The following FAT1 variants were observed in gnomAD, a reference collection of about 807,000 sequenced individuals.
FAT1 encodes the protein FAT atypical cadherin 1.
FAT1 carries 171 observed loss-of-function variants against 329.8 expected under a neutral mutation model. The ratio of observed to expected loss-of-function variants is 0.52; its 90% confidence interval spans 0.46 to 0.59. The LOEUF is 0.59. FAT1 is among the 20% of genes least tolerant of loss of function. The probability of loss-of-function intolerance (pLI) is 0.00; values close to 1 mark genes in which losing one functional copy is unlikely to be tolerated. For missense variants in FAT1, 5,672 were observed against 5,774.4 expected (o/e 0.98, Z 0.57); for synonymous variants, 2,233 against 2,228.6 (o/e 1.00, Z -0.06).
At chr4:186,695,476 G>A (rs1044266086) in intron 2 of FAT1, among the ~76,000 whole-genome samples, 1 of 152,212 alleles carries the variant, frequency 6.6e-6, no homozygotes, top group Non-Finnish European at 1.5e-5. Flanking sequence ...TCAAGTGGAA[G>A]AGCAGCCTTA....
In FAT1 at chr4:186,603,819, G is replaced by A. The variant is rs764669200; in HGVS notation, c.10707C>T (p.Ala3569=). The change falls in exon 19 of 27, where the codon GCC becomes GCT. Residue 3569 remains alanine, a synonymous_variant. Transcript: ENST00000441802. ...GAGTATCATACACGTCCTGGTCTGT[G>A]GCATGGATCTTCCCAATGACGCCAC... ...YSGGVIGKIH[A]TDQDVYDTLT... 6.2e-7 allele frequency: 1 copy of A among 1,613,892 alleles called. No individual in the cohort carries two copies.
intron 11 of FAT1, among the ~76,000 whole-genome samples, chr4:186,614,937 C>T (rs962593207): frequency 2.6e-5 from 4 of 152,150 alleles, no homozygotes; most frequent in East Asian, 1.9e-4. Context: ...TGCTCAAACA[C>T]GGTGAACACT....
chr4:186,601,096 A>G (rs565588032), intron 21 of FAT1, among the ~76,000 whole-genome samples, 173 bp downstream of exon 21: 1 of 152,368 alleles, frequency 6.6e-6, no homozygotes, highest in South Asian at 2.1e-4. Context: ...GGGCAAAAAG[A>G]GCTCTTCATC....
chr4:186,656,530 G>A (rs1012308493), intron 3 of FAT1, among the ~76,000 whole-genome samples: 5 of 152,148 alleles, frequency 3.3e-5, no homozygotes, highest in East Asian at 1.9e-4. Context: ...GAATTTATGA[G>A]GTGTGCTACC....
chr4:186,596,457 A>G lies in FAT1; in HGVS notation c.13000+83T>C. 1 of 1,436,958 alleles carries G rather than the reference A, an allele frequency of 7.0e-7. No homozygotes were observed. The highest frequency in any genetic ancestry group is 9.5e-7 in the Non-Finnish European group (1 of 1,055,228). The allele number at this position is 1,436,958 out of a possible 1,614,324, so 89.0% of individuals were successfully genotyped here. ...AGCATACTTGTCTCTAATGAAGAGT[A>G]CACACATTTTGACTGGACAGAATTT... On this transcript the variant is annotated intron_variant, in intron 25 of 26. Transcript: ENST00000441802. This position sits in a 1 kb window ranked among gnomAD's most constrained non-coding sequence, Gnocchi z 4.7.
chr4:186,668,651 G>T (rs1056485138), intron 2 of FAT1, among the ~76,000 whole-genome samples: 3 of 152,194 alleles, frequency 2.0e-5, no homozygotes, highest in African/African-American at 7.2e-5. Context: ...GTCATTAGCA[G>T]TTCTTGTTCC....
At chr4:186,719,173 T>C (rs1745349712) in intron 1 of FAT1, among the ~76,000 whole-genome samples, 1 of 152,186 alleles carries the variant, frequency 6.6e-6, no homozygotes, top group Non-Finnish European at 1.5e-5. Context: ...AAAGATCTCA[T>C]CTACTCTGCC....
intron 6 of FAT1, among the ~76,000 whole-genome samples, 173 bp downstream of exon 6, chr4:186,635,852 T>A (rs1397583272): frequency 2.0e-5 from 3 of 152,206 alleles, no homozygotes; most frequent in African/African-American, 4.8e-5. Context: ...TAACATATGC[T>A]ATATATTGTG....
intron 22 of FAT1, among the ~76,000 whole-genome samples, chr4:186,599,240 C>T (rs529199545): frequency 1.3e-5 from 2 of 152,308 alleles, no homozygotes; most frequent in East Asian, 3.9e-4. Flanking sequence ...GAGAGAACAG[C>T]AGAAAACCAA....
At position 186,619,644 on chromosome 4, in the gene FAT1, T is replaced by C. The variant is rs1242276725; in HGVS notation, c.6942A>G (p.Pro2314=). ...QVRATDSDSE[P]NRGISYQMFG... is the part of the protein sequence containing the mutation. ...ACATCTGGTATGAGATTCCTCTATT[T>C]GGTTCTGAATCAGAATCGGTGGCTC... The change falls in exon 10 of 27, where the codon CCA becomes CCG. Residue 2314 remains proline, a synonymous_variant. Transcript: ENST00000441802. The C allele has an allele frequency of 6.2e-7, 1 of 1,614,018 alleles. No individual in the cohort carries two copies. The highest frequency in any genetic ancestry group is 1.3e-5 in the African/African-American group (1 of 75,054).
rs746027466 is a variant in FAT1 at position 186,618,139 on chromosome 4, G to C, written c.8447C>G (p.Ala2816Gly). 6.2e-7 allele frequency: 1 copy of C among 1,614,002 alleles called. No individual in the cohort carries two copies. The highest frequency in any genetic ancestry group is 1.1e-5 in the South Asian group (1 of 91,074). Residue 2816 changes from alanine (A) to glycine (G), a missense_variant, in exon 10 of 27, where the codon GCA becomes GGA. By Grantham distance (60) the Ala-to-Gly change is moderately conservative. This residue lies in a region of FAT1 where 3,966 missense variants were observed against 3,915.2 expected (regional missense o/e 1.01). Transcript: ENST00000441802. ...SPVFESSPYE[A>G]FIVENLPGGS... is the part of the protein sequence containing the mutation. Reference sequence around the variant, plus strand: ...CCCTGGCAGGTTTTCAACAATGAATGCCTCATATGGACTAGATTCAAAGAC... The same window carrying C: ...CCCTGGCAGGTTTTCAACAATGAATCCCTCATATGGACTAGATTCAAAGAC...
In FAT1 at chr4:186,621,202, C is replaced by T. The variant is rs56790426; in HGVS notation, c.5384G>A (p.Arg1795Gln). The change falls in exon 10 of 27, where the codon CGA (arginine) becomes CAA (glutamine). Residue 1795 changes from arginine to glutamine, a missense_variant. Physicochemically the swap from Arg to Gln is conservative, Grantham distance 43. This residue lies in a region of FAT1 where 3,966 missense variants were observed against 3,915.2 expected (regional missense o/e 1.01). Transcript: ENST00000441802. ...TGAGTCTTTATCAGCATCAGCTGCT[C>T]GAATCACCAGTGGGACATTCCTGTC... Reference protein sequence around the residue: ...LTDRNVPLVIRAADADKDSNA... With the variant: ...LTDRNVPLVIQAADADKDSNA... The T allele has an allele frequency of 1.1e-3, 1,854 of 1,613,950 alleles. 21 individuals carry two copies. In the African/African-American group the frequency reaches 0.021, roughly 18 times the overall value.
At chr4:186,607,743 GTGGATGGATAAC>G (rs986766272) in intron 16 of FAT1, among the ~76,000 whole-genome samples, 8 of 151,722 alleles carry the variant, frequency 5.3e-5, no homozygotes, top group Non-Finnish European at 1.0e-4. Context: ...AGATGCATGG[GTGGATGGATAAC>G]TGGATGGATG....
At chr4:186,700,170 T>G (rs1032880732) in intron 2 of FAT1, among the ~76,000 whole-genome samples, 2 of 152,148 alleles carry the variant, frequency 1.3e-5, no homozygotes, top group Non-Finnish European at 2.9e-5. Context: ...GAGGTACAAA[T>G]CACGTTAGCT....
intron 2 of FAT1, among the ~76,000 whole-genome samples, chr4:186,671,463 C>G (rs981509055): frequency 3.9e-5 from 6 of 151,902 alleles, no homozygotes; most frequent in African/African-American, 1.5e-4. Context: ...TTTGGGAGGC[C>G]GAGGCTGGCA....
In FAT1 at chr4:186,603,330, A is replaced by G. The variant is rs370248212; in HGVS notation, c.11196T>C (p.Asn3732=). The change falls in exon 19 of 27, where the codon AAT becomes AAC. Residue 3732 remains asparagine (N), a synonymous_variant. Coordinates refer to ENST00000441802, the MANE Select transcript of FAT1 (RefSeq NM_005245.4). ...IEEIIGVRIL[N]VFQKLCAGLD... is the part of the protein sequence containing the mutation. ...GTCCCGCGCAGAGTTTCTGGAATACATTCAGTATCCTAACTCCAATGATTT... is the reference window on the plus strand; with the variant it reads ...GTCCCGCGCAGAGTTTCTGGAATACGTTCAGTATCCTAACTCCAATGATTT... The G allele has an allele frequency of 5.6e-6, 9 of 1,613,968 alleles. No individual in the cohort carries two copies. The highest frequency in any genetic ancestry group is 4.5e-5 in the East Asian group (2 of 44,858).
At position 186,708,858 on chromosome 4, in the gene FAT1, C is replaced by G. The variant is rs767067542; in HGVS notation, c.970G>C (p.Asp324His). 1 of 1,613,978 alleles carries G rather than the reference C, an allele frequency of 6.2e-7. No homozygotes were observed. Among genetic ancestry groups the G allele is most frequent in the Non-Finnish European group, 8.5e-7 (1 of 1,179,882 alleles). ...EYKVKAIGGIDWDSHPFGYNL... is the reference protein window; with the variant it reads ...EYKVKAIGGIHWDSHPFGYNL... ...TAGCCGAAAGGATGACTGTCCCAAT[C>G]AATGCCACCGATGGCTTTGACTTTA... Residue 324 changes from aspartate (D) to histidine (H), a missense_variant, in exon 2 of 27, where the codon GAT becomes CAT. By Grantham distance (81) the Asp-to-His change is moderately conservative. This residue lies in a region of FAT1 where 3,966 missense variants were observed against 3,915.2 expected (regional missense o/e 1.01). Transcript: ENST00000441802.
intron 1 of FAT1, among the ~76,000 whole-genome samples, chr4:186,717,957 A>T (rs1353413329): frequency 2.0e-5 from 3 of 152,104 alleles, no homozygotes; most frequent in African/African-American, 7.2e-5. Context: ...CATCTAATGT[A>T]TTTTTCTCCA....
rs750045129 is a variant in FAT1 at position 186,620,659 on chromosome 4, T to C, written c.5927A>G (p.His1976Arg). 1 of 1,613,986 alleles carries C rather than the reference T, an allele frequency of 6.2e-7. No homozygotes were observed. The highest frequency in any genetic ancestry group is 1.1e-5 in the South Asian group (1 of 91,076). The change falls in exon 10 of 27, where the codon CAC (histidine) becomes CGC (arginine). Residue 1976 changes from histidine (H) to arginine (R), a missense_variant. Around this residue, in one of 2 missense-constraint regions of FAT1, gnomAD observed 3,966 missense variants for 3,915.2 expected, o/e 1.01. Transcript: ENST00000441802. ...KINVKESKESHLKFTQDVYSA... is the reference protein window; with the variant it reads ...KINVKESKESRLKFTQDVYSA... ...GTAGACATCCTGGGTAAACTTTAGG[T>C]GACTTTCTTTGCTTTCTTTCACATT...
Sources: gnomAD v4.1 joint callset for allele counts (sites outside exome capture counted in the v4.1 genomes callset) on GRCh38, gnomAD v4.1.1 for gene constraint, gnomAD v4.1.1 regional missense constraint, Gnocchi (gnomAD v3.1) non-coding constraint, MANE v1.5 for transcripts, NCBI Gene and HGNC (gene_info 2026-07-23, HGNC 2026-07-21) for gene names.